The following SHC2 variants were observed in gnomAD, a reference collection of about 807,000 sequenced individuals.
SHC2 encodes the protein SHC-transforming protein 2.
SHC2 carries 62 observed loss-of-function variants against 60.6 expected under a neutral mutation model. The ratio of observed to expected loss-of-function variants is 1.02; its 90% CI spans 0.83 to 1.26. The LOEUF (loss-of-function observed/expected upper bound fraction) is 1.26, where lower values mean the gene tolerates loss of function less well. SHC2 is among the 50% of genes most tolerant of loss of function. SHC2 has a pLI of 0.00. For synonymous variants in SHC2, 375 were observed against 372.4 expected, an observed-to-expected ratio of 1.01 and a Z score of -0.08; for missense variants, 873 against 822.2, an observed-to-expected ratio of 1.06 and a Z score of -0.76.
chr19:435,823 T>C (rs935548127), intron 7 of SHC2: 1 of 268,216 alleles, frequency 3.7e-6, no homozygotes, highest in Non-Finnish European at 7.3e-6. Flanking sequence ...CCTTTACACA[T>C]GTTCTGCGGT....
intron 1 of SHC2, among the ~76,000 whole-genome samples, chr19:442,286 TG>T (rs1412468936): frequency 2.1e-5 from 3 of 143,688 alleles, no homozygotes; most frequent in African/African-American, 7.9e-5. Flanking sequence ...GGATGATGGA[TG>T]GATGGGTAGA....
chr19:424,993 C>A lies in SHC2; in HGVS notation c.1309+104G>T. ...CTCACGGGGAGAAGGGAGCCTCCCC[C>A]ATCAGACCAGGGAATCCCGTAGGGA... On this transcript the variant is annotated intron_variant, in intron 10 of 12. Coordinates refer to ENST00000264554, the MANE Select transcript of SHC2 (RefSeq NM_012435.3). The surrounding 1 kb of genome is among the most constrained non-coding windows in gnomAD (Gnocchi z 4.5). The A allele has an allele frequency of 8.2e-7, 1 of 1,218,696 alleles. No homozygotes were observed. Among genetic ancestry groups the A allele is most frequent in the Non-Finnish European group, 1.1e-6 (1 of 934,404 alleles). 75.5% of individuals were successfully genotyped at this position (1,218,696 alleles called of 1,614,324 possible).
chr19:439,160 G>T, intron 2 of SHC2, 130 bp from the exon 3 acceptor site: 1 of 231,640 alleles, frequency 4.3e-6, no homozygotes, highest in Non-Finnish European at 8.8e-6. Flanking sequence ...AGAGAGAGGG[G>T]AGAGGAAGGC....
At chr19:457,824 G>A (rs1188743680) in intron 1 of SHC2, among the ~76,000 whole-genome samples, 1 of 152,276 alleles carries the variant, frequency 6.6e-6, no homozygotes, top group Non-Finnish European at 1.5e-5. Context: ...CGTGGAACAC[G>A]CCGGCCGTCG....
In SHC2 at chr19:419,232, C is replaced by A. The variant is rs16990459; in HGVS notation, c.1621-176G>T. 3,955 of 696,136 alleles carry A rather than the reference C, an allele frequency of 5.7e-3. 120 individuals carry two copies. The African/African-American group carries it at 0.063, about 11-fold the overall frequency. 43.1% of individuals were successfully genotyped at this position (696,136 alleles called of 1,614,324 possible). A position where few individuals can be genotyped will look rare whatever the true frequency, so the allele number is the denominator to read the frequency against. ...GATCGGCCTCAGAATTCCAGAACCACCCATGGGCACGGGCTCTGAAACCCC... is the reference window on the plus strand; with the variant it reads ...GATCGGCCTCAGAATTCCAGAACCAACCATGGGCACGGGCTCTGAAACCCC... On this transcript the variant is annotated intron_variant, in intron 11 of 12. Transcript: ENST00000264554.
rs938279646 is a variant in SHC2 at position 440,767 on chromosome 19, G to A, written c.539+95C>T. ...AGGCTGCGTCCTGGGACCCCAGCGCGGCTGTCGGAGAGCCCATCGCTGCCG... is the reference window on the plus strand; with the variant it reads ...AGGCTGCGTCCTGGGACCCCAGCGCAGCTGTCGGAGAGCCCATCGCTGCCG... On this transcript the variant is annotated intron_variant, in intron 2 of 12. Transcript: ENST00000264554. This position sits in a 1 kb window ranked among gnomAD's most constrained non-coding sequence, Gnocchi z 7.0. 97 of 1,073,866 alleles carry A rather than the reference G, an allele frequency of 9.0e-5. No individual in the cohort carries two copies. Among genetic ancestry groups the A allele is most frequent in the African/African-American group, 2.5e-4 (16 of 64,756 alleles). The allele number at this position is 1,073,866 out of a possible 1,614,324, so 66.5% of individuals were successfully genotyped here.
rs1004508461 is a variant in SHC2 at position 460,908 on chromosome 19, G to C, written c.89C>G (p.Pro30Arg). The change falls in exon 1 of 13, where the codon CCC becomes CGC. Residue 30 changes from proline to arginine, a missense_variant. Physicochemically the swap from Pro to Arg is moderately radical, Grantham distance 103. Transcript: ENST00000264554. ...CGCGAACTTCCACTGCGGCATTCGG[G>C]GCAGCAACGCGCAGAAGGTGGTGGG... Reference protein sequence around the residue: ...EAPTTFCALLPRMPQWKFAAP... With the variant: ...EAPTTFCALLRRMPQWKFAAP... The C allele has an allele frequency of 1.0e-6, 1 of 990,282 alleles. No individual in the cohort carries two copies. The highest frequency in any genetic ancestry group is 1.8e-5 in the African/African-American group (1 of 56,762). 61.3% of individuals were successfully genotyped at this position (990,282 alleles called of 1,614,324 possible). A position where few individuals can be genotyped will look rare whatever the true frequency, so the allele number is the denominator to read the frequency against.
Position 422,372 on chromosome 19 carries a change from C to T in SHC2, c.1394G>A (p.Trp465Ter). 1.2e-6 allele frequency: 2 copies of T among 1,603,240 alleles called. No individual in the cohort carries two copies. The highest frequency in any genetic ancestry group is 1.7e-6 in the Non-Finnish European group (2 of 1,175,714). The change falls in exon 11 of 13, where the codon TGG becomes TAG. Residue 465 changes from tryptophan (W) to a stop codon, truncating the protein, a stop_gained. Coordinates refer to ENST00000264554, the MANE Select transcript of SHC2 (RefSeq NM_012435.3). LOFTEE classifies it high-confidence loss of function. This position sits in a 1 kb window ranked among gnomAD's most constrained non-coding sequence, Gnocchi z 5.0. ...TAAPLPLEDQ[W>*]PSPPTRRAPV... ...GGCCCGGCGGGTAGGGGGGCTGGGC[C>T]ACTGGTCCTCCAAGGGAAGAGGGGC...
chr19:447,684 A>C lies in SHC2; in HGVS notation c.469-6752T>G, dbSNP rs573625511. On this transcript the variant is annotated intron_variant, in intron 1 of 12. Transcript: ENST00000264554. ...TCCCAGCTACTCGGGAGGCTGAGGC[A>C]GGAGAATCACTTGAACCTGGGAAGC... Among the ~76,000 whole-genome samples, 9 of 152,270 alleles carry C rather than the reference A, an allele frequency of 5.9e-5. No individual in the cohort carries two copies. In the South Asian group the frequency reaches 1.9e-3, roughly 32 times the overall value.
At chr19:449,040 C>T (rs998824004) in intron 1 of SHC2, among the ~76,000 whole-genome samples, 1 of 151,792 alleles carries the variant, frequency 6.6e-6, no homozygotes, top group Middle Eastern at 3.2e-3. Context: ...TGGTGGTGCA[C>T]ACCTGTAGTC....
intron 1 of SHC2, among the ~76,000 whole-genome samples, chr19:449,040 C>A (rs998824004): frequency 6.6e-6 from 1 of 151,792 alleles, no homozygotes; most frequent in Admixed American, 6.6e-5. Context: ...TGGTGGTGCA[C>A]ACCTGTAGTC....
intron 2 of SHC2, chr19:439,330 CCCCTCTACCA>C: frequency 2.0e-6 from 1 of 491,810 alleles, no homozygotes; most frequent in South Asian, 2.5e-5. Context: ...CCAGCTCTGG[CCCCTCTACCA>C]CCCTCTTTCC....
At chr19:456,482 C>T (rs1975345329) in intron 1 of SHC2, among the ~76,000 whole-genome samples, 1 of 152,286 alleles carries the variant, frequency 6.6e-6, no homozygotes, top group East Asian at 1.9e-4. Flanking sequence ...GCTGCCCTTC[C>T]AGACCCTCCT....
At chr19:421,860 C>T (rs1453975283) in intron 11 of SHC2, among the ~76,000 whole-genome samples, 5 of 152,108 alleles carry the variant, frequency 3.3e-5, no homozygotes, top group African/African-American at 7.2e-5. Flanking sequence ...CAGAGAGCTA[C>T]GACTGTGCCA....
chr19:434,722 G>T lies in SHC2; in HGVS notation c.1097C>A (p.Thr366Lys). 9 of 1,610,338 alleles carry T rather than the reference G, an allele frequency of 5.6e-6. No individual in the cohort carries two copies. Among genetic ancestry groups the T allele is most frequent in the Non-Finnish European group, 7.6e-6 (9 of 1,179,038 alleles). Residue 366 changes from threonine (T) to lysine (K), a missense_variant, in exon 8 of 13, where the codon ACG (threonine) becomes AAG (lysine). By Grantham distance (78) the Thr-to-Lys change is moderately conservative. Transcript: ENST00000264554. ...GCAGAGGCTGACCTGGTCGAGGGCC[G>T]TGAGGGCGCAGGGCTGTGTCAGGGC... ...RLALTQPCAL[T>K]ALDQGPSPSL...
intron 1 of SHC2, among the ~76,000 whole-genome samples, chr19:455,664 C>T (rs151260990): frequency 7.7e-4 from 118 of 152,304 alleles, no homozygotes; most frequent in African/African-American, 2.7e-3. Context: ...CCAAACAACG[C>T]GAGCTAATCC....
chr19:427,727 G>T (rs1974456704), intron 9 of SHC2, among the ~76,000 whole-genome samples: 1 of 87,490 alleles, frequency 1.1e-5, no homozygotes, highest in Non-Finnish European at 2.2e-5. Context: ...CACGGCACAG[G>T]GAAGGGGGAA....
intron 1 of SHC2, among the ~76,000 whole-genome samples, chr19:458,804 AGGCGGAAGCGG>A (rs1975459196): frequency 7.6e-6 from 1 of 131,032 alleles, no homozygotes; most frequent in African/African-American, 3.0e-5. Flanking sequence ...GGTCCTGGGG[AGGCGGAAGCGG>A]GTCTTGGGGA....
chr19:457,406 C>CCTTTGCACCTGCACCTGCTGTG (rs1555710252), intron 1 of SHC2, among the ~76,000 whole-genome samples: 3 of 152,152 alleles, frequency 2.0e-5, no homozygotes, highest in Non-Finnish European at 2.9e-5. Context: ...AACCCCACGG[C>CCTTTGCACCTGCACCTGCTGTG]CGGGGTTTCC....
Sources: gnomAD v4.1 joint callset for allele counts (sites outside exome capture counted in the v4.1 genomes callset) on GRCh38, gnomAD v4.1.1 for gene constraint, Gnocchi (gnomAD v3.1) non-coding constraint, MANE v1.5 for transcripts, NCBI Gene and HGNC (gene_info 2026-07-23, HGNC 2026-07-21) for gene names.